The following PANX1 variants were observed in gnomAD, a reference collection of about 807,000 sequenced individuals.
PANX1 encodes the protein pannexin 1, also known as pannexin-1.
PANX1 carries 30 observed loss-of-function variants against 38.7 expected under a neutral mutation model. The ratio of observed to expected loss-of-function variants is 0.78; its 90% CI spans 0.58 to 1.05. The LOEUF is 1.05. Ranked by LOEUF, PANX1 falls within the 50% of genes least tolerant of loss-of-function variation. The probability of loss-of-function intolerance (pLI) is 0.00; values close to 1 mark genes in which losing one functional copy is unlikely to be tolerated. For missense variants in PANX1, 551 were observed against 517.2 expected, an observed-to-expected ratio of 1.07 and a Z score of -0.63; for synonymous variants, 230 against 212.2, an observed-to-expected ratio of 1.08 and a Z score of -0.73.
chr11:94,178,778 G>T (rs529329022), intron 3 of PANX1, among the ~76,000 whole-genome samples, 186 bp downstream of exon 3: 1 of 152,056 alleles, frequency 6.6e-6, no homozygotes, highest in Admixed American at 6.6e-5. Context: ...ATCTCACCGC[G>T]ACCCATCCTA....
intron 2 of PANX1, among the ~76,000 whole-genome samples, chr11:94,159,450 GA>G (rs1414600170): frequency 1.3e-5 from 2 of 152,144 alleles, no homozygotes; most frequent in African/African-American, 4.8e-5. Context: ...GGTCTATTCA[GA>G]GATTCAACTT....
At chr11:94,150,555 G>A (rs999908025) in intron 1 of PANX1, among the ~76,000 whole-genome samples, 3 of 152,140 alleles carry the variant, frequency 2.0e-5, no homozygotes, top group Non-Finnish European at 4.4e-5. Flanking sequence ...CGGCCCCCTG[G>A]CAGCAGCTGA....
chr11:94,153,392 G>A, intron 1 of PANX1, 99 bp from the exon 2 acceptor site: 1 of 1,211,554 alleles, frequency 8.3e-7, no homozygotes, highest in Non-Finnish European at 1.2e-6. Flanking sequence ...CTCCTGTCCT[G>A]GTGCTCCCTA....
chr11:94,151,133 G>T (rs145071818), intron 1 of PANX1, among the ~76,000 whole-genome samples: 1 of 152,166 alleles, frequency 6.6e-6, no homozygotes, highest in East Asian at 1.9e-4. Flanking sequence ...GGGCTGGTTG[G>T]TGTCTAGTGA....
chr11:94,131,928 T>A (rs1946634377), intron 1 of PANX1, among the ~76,000 whole-genome samples: 1 of 152,214 alleles, frequency 6.6e-6, no homozygotes, highest in Admixed American at 6.5e-5. Flanking sequence ...GCCCACCATA[T>A]TGGCCAGTGA....
At chr11:94,171,225 G>A (rs1350101755) in intron 2 of PANX1, among the ~76,000 whole-genome samples, 1 of 151,450 alleles carries the variant, frequency 6.6e-6, no homozygotes, top group Non-Finnish European at 1.5e-5. Flanking sequence ...TCCATCATGA[G>A]TTCCTGTGGC....
chr11:94,144,604 G>C (rs1011283060), intron 1 of PANX1, among the ~76,000 whole-genome samples: 2 of 152,070 alleles, frequency 1.3e-5, no homozygotes, highest in Non-Finnish European at 2.9e-5. Context: ...CCTAGAGCTC[G>C]GGACCAGGTT....
intron 1 of PANX1, among the ~76,000 whole-genome samples, chr11:94,145,421 G>A (rs528427862): frequency 4.6e-5 from 7 of 152,276 alleles, no homozygotes; most frequent in East Asian, 1.9e-4. Context: ...TGTTATTTTC[G>A]TGGCTTTGCA....
chr11:94,129,279 C>G lies in PANX1; in HGVS notation c.-34C>G, dbSNP rs201087780. 6.6e-4 allele frequency: 1,041 copies of G among 1,575,866 alleles called. 6 individuals carry two copies. The African/African-American group carries it at 0.012, about 19-fold the overall frequency. ...CAGCTTTCCCGACGCCGGCTGTACC[C>G]GGACCTCCTGGTCGAGCCTGGCGCG... On this transcript the variant is annotated 5_prime_UTR_variant, in exon 1 of 5. Transcript: ENST00000227638.
At chr11:94,165,096 G>A (rs773991286) in intron 2 of PANX1, among the ~76,000 whole-genome samples, 9 of 152,004 alleles carry the variant, frequency 5.9e-5, no homozygotes, top group Non-Finnish European at 8.8e-5. Flanking sequence ...GGTCAGCAGC[G>A]TTTGGTTGGG....
chr11:94,155,265 G>A (rs528163516), intron 2 of PANX1, among the ~76,000 whole-genome samples: 51 of 151,460 alleles, frequency 3.4e-4, no homozygotes, highest in Admixed American at 1.9e-3. Flanking sequence ...CAGGAGAATC[G>A]CTTGAGCCCA....
chr11:94,178,127 A>G (rs886858771), intron 2 of PANX1, among the ~76,000 whole-genome samples: 3 of 152,086 alleles, frequency 2.0e-5, no homozygotes, highest in Non-Finnish European at 2.9e-5. Context: ...ACCATGTGTC[A>G]CCATGCAGTT....
chr11:94,161,623 T>C (rs1947037149), intron 2 of PANX1, among the ~76,000 whole-genome samples: 1 of 152,180 alleles, frequency 6.6e-6, no homozygotes, highest in African/African-American at 2.4e-5. Context: ...GCCATTTGTC[T>C]AATTTTTTTT....
chr11:94,180,037 T>C lies in PANX1; in HGVS notation c.981T>C (p.Asp327=). ...ATTTCAAATCTGAAGGGTACAACGATTTGAGCCTCTACAATCTCTTCTTGG... is the reference window on the plus strand; with the variant it reads ...ATTTCAAATCTGAAGGGTACAACGACTTGAGCCTCTACAATCTCTTCTTGG... ...VLHFKSEGYN[D]LSLYNLFLEE... Residue 327 remains aspartate (D), a synonymous_variant, in exon 4 of 5, where the codon GAT becomes GAC. Coordinates refer to ENST00000227638, the MANE Select transcript of PANX1 (RefSeq NM_015368.4). 5.0e-6 allele frequency: 8 copies of C among 1,608,644 alleles called. No individual in the cohort carries two copies. The highest frequency in any genetic ancestry group is 2.2e-5 in the East Asian group (1 of 44,742).
chr11:94,162,871 C>CTCTTT (rs763128119), intron 2 of PANX1, among the ~76,000 whole-genome samples: 1 of 107,468 alleles, frequency 9.3e-6, no homozygotes, highest in East Asian at 2.5e-4. Flanking sequence ...ACCAACCTCT[C>CTCTTT]TTTTTTTTTT....
chr11:94,161,264 G>A (rs1200552349), intron 2 of PANX1, among the ~76,000 whole-genome samples: 6 of 152,130 alleles, frequency 3.9e-5, no homozygotes, highest in African/African-American at 1.2e-4. Flanking sequence ...GAATCTGAAT[G>A]TTGGCCTGAC....
At chr11:94,146,554 T>C (rs370045714) in intron 1 of PANX1, among the ~76,000 whole-genome samples, 5 of 152,246 alleles carry the variant, frequency 3.3e-5, no homozygotes, top group East Asian at 1.9e-4. Context: ...CACCCAGTTA[T>C]GGGGGAAAGG....
At chr11:94,161,637 G>C (rs1947037553) in intron 2 of PANX1, among the ~76,000 whole-genome samples, 1 of 152,044 alleles carries the variant, frequency 6.6e-6, no homozygotes, top group African/African-American at 2.4e-5. Context: ...TTTTTTTCAA[G>C]GTTTTTAACT....
chr11:94,169,201 CAG>C (rs1491180489), intron 2 of PANX1, among the ~76,000 whole-genome samples: 3 of 151,404 alleles, frequency 2.0e-5, no homozygotes, highest in African/African-American at 7.3e-5. Context: ...TATATGTAGA[CAG>C]GGGCAAGGTC....
Sources: allele counts gnomAD v4.1 joint callset (sites outside exome capture counted in the v4.1 genomes callset), GRCh38; gene constraint gnomAD v4.1.1; transcripts MANE v1.5; gene names NCBI Gene and HGNC (gene_info 2026-07-23, HGNC 2026-07-21).